Variants in GPRIN3 observed in about 807,000 individuals in gnomAD.
GPRIN3 encodes G protein-regulated inducer of neurite outgrowth 3.
GPRIN3 carries 12 observed loss-of-function variants against 13.7 expected under a neutral mutation model. The ratio of observed to expected loss-of-function variants is 0.87; its 90% CI spans 0.56 to 1.42. The LOEUF is 1.42. Among genes scored for constraint, GPRIN3 ranks in the 40% most tolerant of loss-of-function variants. The pLI is 0.00. For synonymous variants in GPRIN3, 377 were observed against 372.7 expected (o/e 1.01, Z -0.13); for missense variants, 1,009 against 958.7 (o/e 1.05, Z -0.69).
intron 1 of GPRIN3, among the ~76,000 whole-genome samples, chr4:89,272,696 C>T (rs1266932316): frequency 2.0e-5 from 3 of 152,136 alleles, no homozygotes; most frequent in East Asian, 1.9e-4. Context: ...TTTTTGACAC[C>T]ATCCAGTGTA....
At chr4:89,274,216 A>G (rs1459437814) in intron 1 of GPRIN3, among the ~76,000 whole-genome samples, 1 of 152,184 alleles carries the variant, frequency 6.6e-6, no homozygotes, top group Non-Finnish European at 1.5e-5. Context: ...ATAACCCCGA[A>G]GTGCTATTTA....
chr4:89,282,855 C>T (rs1426629205), intron 1 of GPRIN3, among the ~76,000 whole-genome samples: 4 of 152,098 alleles, frequency 2.6e-5, no homozygotes, highest in African/African-American at 4.8e-5. Context: ...GAGTCTACAT[C>T]GAAGACCTCA....
chr4:89,281,498 T>A (rs1298293453), intron 1 of GPRIN3, among the ~76,000 whole-genome samples: 2 of 152,132 alleles, frequency 1.3e-5, no homozygotes, highest in African/African-American at 4.8e-5. Flanking sequence ...AAGAGGATGG[T>A]ACTAAACCAT....
At position 89,248,444 on chromosome 4, in the gene GPRIN3, G is replaced by T. The variant is rs756068046; in HGVS notation, c.1667C>A (p.Thr556Asn). The T allele has an allele frequency of 6.2e-7, 1 of 1,614,070 alleles. No homozygotes were observed. The highest frequency in any genetic ancestry group is 8.5e-7 in the Non-Finnish European group (1 of 1,179,964). The part of the protein sequence containing the change: ...VKEKESTGTD[T>N]SDAKTLLLNP... ...GAGCAGTAGGGTTTTGGCATCCGAG[G>T]TATCAGTGCCAGTAGACTCTTTTTC... Residue 556 changes from threonine to asparagine, a missense_variant, in exon 2 of 2, where the codon ACC becomes AAC. By Grantham distance (65) the Thr-to-Asn change is moderately conservative. Coordinates refer to ENST00000609438, the MANE Select transcript of GPRIN3 (RefSeq NM_198281.3).
chr4:89,262,824 C>T (rs1052538349), intron 1 of GPRIN3, among the ~76,000 whole-genome samples: 4 of 152,196 alleles, frequency 2.6e-5, no homozygotes, highest in Non-Finnish European at 5.9e-5. Flanking sequence ...CACCCTCCGC[C>T]ATCCCCCTAC....
rs1427335155 is a variant in GPRIN3 at position 89,236,568 on chromosome 4, A to C, written c.*11212T>G. The C allele has an allele frequency of 6.6e-6, 1 of 152,136 alleles. No homozygotes were observed. Among genetic ancestry groups the C allele is most frequent in the African/African-American group, 2.4e-5 (1 of 41,412 alleles). 9.4% of individuals were successfully genotyped at this position (152,136 alleles called of 1,614,324 possible). ...ACAAATTTGCAAAGTGAGCATTGTT[A>C]TTCTCAGTTTCCAGATGAATGCACT... On this transcript the variant is annotated 3_prime_UTR_variant, in exon 2 of 2. Coordinates refer to ENST00000609438, the MANE Select transcript of GPRIN3 (RefSeq NM_198281.3).
Position 89,265,335 on chromosome 4 carries a change from T to C in GPRIN3, c.-123-15102A>G, listed in dbSNP as rs544778316. On this transcript the variant is annotated intron_variant, in intron 1 of 1. Transcript: ENST00000609438. ...ATCTGCTATGGAGACAGGAAATTTC[T>C]AATTCTGTTTGTAGATAGGGTACAT... is the stretch of plus-strand genomic sequence containing the variant. Among the ~76,000 whole-genome samples the C allele has an allele frequency of 1.4e-4, 22 of 152,314 alleles. No individual in the cohort carries two copies. The South Asian group carries it at 4.6e-3, about 32-fold the overall frequency.
rs1219065840 is a variant in GPRIN3 at position 89,239,325 on chromosome 4, G to C, written c.*8455C>G. ...GCAATTTTTAAGTTATAATTTTTCT[G>C]GGTATTATTCAAATTAATACACATC... On this transcript the variant is annotated 3_prime_UTR_variant, in exon 2 of 2. Coordinates refer to ENST00000609438, the MANE Select transcript of GPRIN3 (RefSeq NM_198281.3). 2 of 151,594 alleles carry C rather than the reference G, an allele frequency of 1.3e-5. No homozygotes were observed. Among genetic ancestry groups the C allele is most frequent in the African/African-American group, 4.9e-5 (2 of 41,234 alleles). The allele number at this position is 151,594 out of a possible 1,614,324, so 9.4% of individuals were successfully genotyped here. A position where few individuals can be genotyped will look rare whatever the true frequency, so the allele number is the denominator to read the frequency against.
intron 1 of GPRIN3, among the ~76,000 whole-genome samples, chr4:89,275,638 T>A (rs1431541729): frequency 1.3e-5 from 2 of 152,218 alleles, no homozygotes; most frequent in African/African-American, 2.4e-5. Context: ...AGGAGCAGAA[T>A]GCAGCTCTCC....
Position 89,239,401 on chromosome 4 carries a change from C to A in GPRIN3, c.*8379G>T, listed in dbSNP as rs376754438. 6.6e-6 allele frequency: 1 copy of A among 152,144 alleles called. No individual in the cohort carries two copies. The highest frequency in any genetic ancestry group is 1.5e-5 in the Non-Finnish European group (1 of 68,016). The allele number at this position is 152,144 out of a possible 1,614,324, so 9.4% of individuals were successfully genotyped here. A position where few individuals can be genotyped will look rare whatever the true frequency, so the allele number is the denominator to read the frequency against. Reference sequence around the variant, plus strand: ...TCTTTGAAGCAACCATAAGTATTGACAAACATCAAGATTTCAGGTATGCTG... The same window carrying A: ...TCTTTGAAGCAACCATAAGTATTGAAAAACATCAAGATTTCAGGTATGCTG... On this transcript the variant is annotated 3_prime_UTR_variant, in exon 2 of 2. Transcript: ENST00000609438.
At position 89,247,561 on chromosome 4, in the gene GPRIN3, G is replaced by A. The variant is rs1723137196; in HGVS notation, c.*219C>T. The A allele has an allele frequency of 1.0e-5, 5 of 483,444 alleles. No homozygotes were observed. In the South Asian group the frequency reaches 1.7e-4, roughly 17 times the overall value. The allele number at this position is 483,444 out of a possible 1,614,324, so 29.9% of individuals were successfully genotyped here. On this transcript the variant is annotated 3_prime_UTR_variant, in exon 2 of 2. Transcript: ENST00000609438. ...GTTAAGGTTGCAAACCTTCAGTGAA[G>A]CTTGTTTCTCTTTTCTTGTTCCTTC...
Position 89,236,683 on chromosome 4 carries a change from A to G in GPRIN3, c.*11097T>C, listed in dbSNP as rs545134136. 7.9e-5 allele frequency: 12 copies of G among 152,288 alleles called. No individual in the cohort carries two copies. Among genetic ancestry groups the G allele is most frequent in the African/African-American group, 2.9e-4 (12 of 41,568 alleles). 9.4% of individuals were successfully genotyped at this position (152,288 alleles called of 1,614,324 possible). ...GAGGTGTTTTGGTTTACTCAGCCAA[A>G]GAATTTAGCTTCTTTGATTCGAAGC... On this transcript the variant is annotated 3_prime_UTR_variant, in exon 2 of 2. Coordinates refer to ENST00000609438, the MANE Select transcript of GPRIN3 (RefSeq NM_198281.3).
intron 1 of GPRIN3, among the ~76,000 whole-genome samples, chr4:89,269,346 CA>C (rs1723865090): frequency 6.6e-6 from 1 of 152,052 alleles, no homozygotes; most frequent in Admixed American, 6.6e-5. Flanking sequence ...AAGGAGATAG[CA>C]AATCACCATG....
At chr4:89,305,981 G>A (rs1487977786) in intron 1 of GPRIN3, among the ~76,000 whole-genome samples, 1 of 152,082 alleles carries the variant, frequency 6.6e-6, no homozygotes, top group Non-Finnish European at 1.5e-5. Flanking sequence ...CACTGTACAT[G>A]GCTCTCCATG....
At chr4:89,275,917 T>A (rs545947950) in intron 1 of GPRIN3, among the ~76,000 whole-genome samples, 1 of 152,224 alleles carries the variant, frequency 6.6e-6, no homozygotes, top group Admixed American at 6.5e-5. Flanking sequence ...GTCAGTTTTA[T>A]GTGGAGCTCC....
chr4:89,259,623 A>T (rs1188120123), intron 1 of GPRIN3, among the ~76,000 whole-genome samples: 6 of 152,206 alleles, frequency 3.9e-5, no homozygotes, highest in Admixed American at 3.9e-4. Context: ...AGCCTTACAA[A>T]CAAGTATTCT....
chr4:89,248,272 A>T lies in GPRIN3; in HGVS notation c.1839T>A (p.Gly613=), dbSNP rs1475544717. ...TCTTGCCAGAACCTGGGCTGGAGTC[A>T]CCCATGGGATCAGATGGCAGGCTCA... The part of the protein sequence containing the change: ...TSLSLPSDPM[G]DSSPGSGKKT... The change falls in exon 2 of 2, where the codon GGT becomes GGA. Residue 613 remains glycine (G), a synonymous_variant. Coordinates refer to ENST00000609438, the MANE Select transcript of GPRIN3 (RefSeq NM_198281.3). 6.2e-7 allele frequency: 1 copy of T among 1,614,054 alleles called. No homozygotes were observed. Among genetic ancestry groups the T allele is most frequent in the Non-Finnish European group, 8.5e-7 (1 of 1,179,982 alleles).
At chr4:89,265,784 G>A (rs1204845596) in intron 1 of GPRIN3, among the ~76,000 whole-genome samples, 1 of 151,692 alleles carries the variant, frequency 6.6e-6, no homozygotes, top group Non-Finnish European at 1.5e-5. Flanking sequence ...TTTTTATGTT[G>A]GCATAGGCCT....
intron 1 of GPRIN3, among the ~76,000 whole-genome samples, chr4:89,306,898 G>T (rs1360223852): frequency 6.6e-6 from 1 of 151,856 alleles, no homozygotes; most frequent in African/African-American, 2.4e-5. Flanking sequence ...CCATTATTGC[G>T]TCTGAAATGA....
Sources: gnomAD v4.1 joint callset for allele counts (sites outside exome capture counted in the v4.1 genomes callset) on GRCh38, gnomAD v4.1.1 for gene constraint, MANE v1.5 for transcripts, NCBI Gene and HGNC (gene_info 2026-07-23, HGNC 2026-07-21) for gene names.